The following MAPK6 variants were observed in gnomAD, a reference collection of about 807,000 sequenced individuals.
MAPK6 encodes the protein mitogen-activated protein kinase 6.
In MAPK6, 19 loss-of-function variants were observed where a neutral mutation model predicts 59.3. That is an observed-to-expected ratio of 0.32 (90% CI 0.22 to 0.47). The LOEUF (loss-of-function observed/expected upper bound fraction) is 0.47. Ranked by LOEUF, MAPK6 falls within the 20% of genes least tolerant of loss-of-function variation. The pLI, the probability that MAPK6 is intolerant of heterozygous loss-of-function variation, is 1.00. For synonymous variants in MAPK6, 316 were observed against 290.3 expected (o/e 1.09, Z -0.90); for missense variants, 724 against 847.9 (o/e 0.85, Z 1.81).
chr15:52,031,906 A>T (rs2031050139), intron 1 of MAPK6, among the ~76,000 whole-genome samples: 1 of 147,780 alleles, frequency 6.8e-6, no homozygotes, highest in South Asian at 2.1e-4. Context: ...TGAACAAATA[A>T]TTTTTTTTTT....
intron 2 of MAPK6, among the ~76,000 whole-genome samples, chr15:51,990,445 T>A (rs186508610): frequency 2.8e-4 from 43 of 152,330 alleles, no homozygotes; most frequent in Middle Eastern, 3.4e-3. Context: ...AGTGCATATA[T>A]TGTAGCGAAA....
intron 4 of MAPK6, among the ~76,000 whole-genome samples, chr15:52,060,107 A>T (rs1370485291): frequency 2.0e-5 from 3 of 152,182 alleles, no homozygotes; most frequent in East Asian, 3.8e-4. Flanking sequence ...GCACCATTGT[A>T]GCATTCCTGT....
At chr15:52,009,574 C>G (rs1378003016) in intron 3 of MAPK6, among the ~76,000 whole-genome samples, 1 of 152,178 alleles carries the variant, frequency 6.6e-6, no homozygotes. Context: ...CCAGAAAATT[C>G]TGACTTCCAA....
chr15:52,021,170 T>C (rs1566901694), intron 1 of MAPK6, among the ~76,000 whole-genome samples: 1 of 152,212 alleles, frequency 6.6e-6, no homozygotes, highest in African/African-American at 2.4e-5. Flanking sequence ...ATGTTAGCAC[T>C]AAAAGTGTTG....
intron 3 of MAPK6, among the ~76,000 whole-genome samples, chr15:52,013,020 AATATATATATAT>A (rs71130116): frequency 0.017 from 332 of 19,086 alleles, 5 homozygotes; most frequent in African/African-American, 0.051. Flanking sequence ...AAAAAAAAAA[AATATATATATAT>A]ATATATATAT....
intron 3 of MAPK6, among the ~76,000 whole-genome samples, chr15:52,053,447 A>AT (rs563085355): frequency 6.6e-6 from 1 of 152,140 alleles, no homozygotes; most frequent in Non-Finnish European, 1.5e-5. Context: ...TCTATTGCCC[A>AT]TTTTTTAAAT....
chr15:52,037,460 C>A (rs114396215), intron 1 of MAPK6, among the ~76,000 whole-genome samples: 25 of 152,292 alleles, frequency 1.6e-4, no homozygotes, highest in African/African-American at 5.8e-4. Context: ...TTCATTATAC[C>A]TTCTTTGGTA....
At position 52,051,083 on chromosome 15, in the gene MAPK6, A is replaced by T. The variant is rs567604165; in HGVS notation, c.700+946A>T. ...TACCCATTTTTTTTTTCTGAGACGGAGTCTTGCTCTGTCACCCAGGCTGGA... is the reference window on the plus strand; with the variant it reads ...TACCCATTTTTTTTTTCTGAGACGGTGTCTTGCTCTGTCACCCAGGCTGGA... On this transcript the variant is annotated intron_variant, in intron 3 of 5. Transcript: ENST00000261845. Among the ~76,000 whole-genome samples, 5 of 151,320 alleles carry T rather than the reference A, an allele frequency of 3.3e-5. No individual in the cohort carries two copies. In the South Asian group the frequency reaches 1.0e-3, roughly 32 times the overall value.
At chr15:52,022,934 C>T (rs946754697) in intron 1 of MAPK6, among the ~76,000 whole-genome samples, 1 of 151,586 alleles carries the variant, frequency 6.6e-6, no homozygotes, top group Non-Finnish European at 1.5e-5. Flanking sequence ...ATGGTGAAAC[C>T]CCGTCTCTAA....
intron 1 of MAPK6, chr15:52,027,753 A>C (rs932949192): frequency 8.0e-6 from 1 of 125,328 alleles, no homozygotes; most frequent in Non-Finnish European, 1.6e-5. Context: ...ATTTCTCTTT[A>C]TTTATTTATT....
intron 2 of MAPK6, among the ~76,000 whole-genome samples, chr15:51,984,402 C>T (rs1299479636): frequency 6.6e-6 from 1 of 150,780 alleles, no homozygotes; most frequent in African/African-American, 2.5e-5. Context: ...CTGCCTCAGC[C>T]GCCCGAGTAG....
intron 5 of MAPK6, among the ~76,000 whole-genome samples, chr15:52,062,175 G>A (rs576037379): frequency 1.3e-5 from 2 of 150,008 alleles, no homozygotes; most frequent in African/African-American, 2.5e-5. Context: ...TCAGCCTCCC[G>A]AGTAGCTGGG....
chr15:52,024,050 G>GA (rs775475011), intron 1 of MAPK6, among the ~76,000 whole-genome samples: 1 of 151,978 alleles, frequency 6.6e-6, no homozygotes, highest in South Asian at 2.1e-4. Flanking sequence ...TTTTTTCACA[G>GA]AAAAAAATGG....
At chr15:52,059,817 G>C (rs1397004961) in intron 4 of MAPK6, among the ~76,000 whole-genome samples, 2 of 152,178 alleles carry the variant, frequency 1.3e-5, no homozygotes, top group African/African-American at 4.8e-5. Context: ...GAGTTTCTGA[G>C]ACTAAAGATT....
chr15:52,014,636 G>A (rs1161475689), upstream of MAPK6, among the ~76,000 whole-genome samples: 2 of 149,982 alleles, frequency 1.3e-5, no homozygotes, highest in Non-Finnish European at 2.9e-5. Flanking sequence ...GAGCCCGAGA[G>A]ATTGAGGCTA....
intron 3 of MAPK6, among the ~76,000 whole-genome samples, chr15:52,053,614 G>A: frequency 6.3e-4 from 2 of 3,154 alleles, no homozygotes; most frequent in African/African-American, 2.6e-3. Flanking sequence ...TTGATTGATT[G>A]ATTGATTGAT....
intron 1 of MAPK6, chr15:52,042,653 ATT>A (rs2031462040): frequency 1.3e-5 from 2 of 152,146 alleles, no homozygotes; most frequent in Admixed American, 6.5e-5. Context: ...CAGTGGTGTA[ATT>A]TTTGACAAAG....
rs2032446620 is a variant in MAPK6 at position 52,067,225 on chromosome 15, T to C, written c.*2225T>C. 1 of 152,180 alleles carries C rather than the reference T, an allele frequency of 6.6e-6. No individual in the cohort carries two copies. Among genetic ancestry groups the C allele is most frequent in the Non-Finnish European group, 1.5e-5 (1 of 68,034 alleles). The allele number at this position is 152,180 out of a possible 1,614,324, so 9.4% of individuals were successfully genotyped here. On this transcript the variant is annotated 3_prime_UTR_variant, in exon 6 of 6. Transcript: ENST00000261845. ...GTGGCCATCTACACAATGATCTGAC[T>C]TGTTGGCATTAAAAAGTCCAAACAT...
At chr15:52,045,479 A>T (rs1349047475) in intron 1 of MAPK6, among the ~76,000 whole-genome samples, 1 of 152,186 alleles carries the variant, frequency 6.6e-6, no homozygotes, top group Non-Finnish European at 1.5e-5. Context: ...ATTCTTTTAG[A>T]TATTTAGATA....
Sources: allele counts gnomAD v4.1 joint callset (sites outside exome capture counted in the v4.1 genomes callset), GRCh38; gene constraint gnomAD v4.1.1; transcripts MANE v1.5; gene names NCBI Gene and HGNC (gene_info 2026-07-23, HGNC 2026-07-21).